DCDC2: variants seen among roughly 807,000 people sequenced by gnomAD.
DCDC2 encodes doublecortin domain-containing protein 2.
In DCDC2, 40 loss-of-function variants were observed where a neutral mutation model predicts 50.2. That is an observed-to-expected ratio of 0.80 (90% CI 0.62 to 1.04). The LOEUF (loss-of-function observed/expected upper bound fraction) is 1.04. Among genes scored for constraint, DCDC2 ranks in the 50% least tolerant of loss-of-function variants. The pLI is 0.00. For missense variants in DCDC2, 570 were observed against 581.9 expected (o/e 0.98, Z 0.21); for synonymous variants, 234 against 210.6 (o/e 1.11, Z -0.96).
At chr6:24,349,825 G>T (rs1404077809) in intron 2 of DCDC2, among the ~76,000 whole-genome samples, 1 of 152,136 alleles carries the variant, frequency 6.6e-6, no homozygotes, top group Non-Finnish European at 1.5e-5. Flanking sequence ...GGCAATCCAG[G>T]AGATCTGTTT....
intron 7 of DCDC2, among the ~76,000 whole-genome samples, chr6:24,240,193 T>C (rs908608874): frequency 5.9e-5 from 9 of 152,184 alleles, no homozygotes; most frequent in African/African-American, 2.2e-4. Context: ...GACTCTACAA[T>C]AGGTACCAGC....
intron 7 of DCDC2, among the ~76,000 whole-genome samples, chr6:24,246,222 G>A (rs939651079): frequency 2.0e-5 from 3 of 151,988 alleles, no homozygotes; most frequent in Non-Finnish European, 4.4e-5. Flanking sequence ...CCATCAAGCC[G>A]AATTCTGCAA....
At chr6:24,263,841 T>A (rs2113808067) in intron 7 of DCDC2, among the ~76,000 whole-genome samples, 1 of 151,966 alleles carries the variant, frequency 6.6e-6, no homozygotes, top group Admixed American at 6.6e-5. Context: ...ACAGAGAAAT[T>A]CCCAAACTTA....
chr6:24,250,841 T>C (rs1475012684), intron 7 of DCDC2, among the ~76,000 whole-genome samples: 1 of 152,144 alleles, frequency 6.6e-6, no homozygotes, highest in East Asian at 1.9e-4. Flanking sequence ...TATGGCACTT[T>C]CAAACAGCAT....
chr6:24,351,645 G>C (rs944721598), intron 2 of DCDC2, among the ~76,000 whole-genome samples: 1 of 152,156 alleles, frequency 6.6e-6, no homozygotes, highest in Admixed American at 6.5e-5. Context: ...TGGAGACAAG[G>C]GGTAGGTTTT....
In DCDC2 at chr6:24,348,586, A is replaced by C. The variant is rs1444293101; in HGVS notation, c.348+4983T>G. Among the ~76,000 whole-genome samples the C allele has an allele frequency of 2.6e-5, 4 of 152,120 alleles. No homozygotes were observed. The East Asian group carries it at 7.7e-4, about 29-fold the overall frequency. The stretch of plus-strand genomic sequence containing the variant: ...CTGATTTTCACTCTTTCTGCTAGAG[A>C]CTGATTTTGACTCTTACAGATATAA... On this transcript the variant is annotated intron_variant, in intron 2 of 9. Coordinates refer to ENST00000378454, the MANE Select transcript of DCDC2 (RefSeq NM_016356.5).
upstream of DCDC2, among the ~76,000 whole-genome samples, chr6:24,361,086 C>T (rs747615277): frequency 2.0e-5 from 3 of 151,680 alleles, no homozygotes; most frequent in Non-Finnish European, 4.4e-5. Flanking sequence ...TTTTTTCCTT[C>T]GAGATTTCTG....
At chr6:24,288,173 G>C (rs1396894253) in intron 6 of DCDC2, among the ~76,000 whole-genome samples, 2 of 152,212 alleles carry the variant, frequency 1.3e-5, no homozygotes, top group African/African-American at 4.8e-5. Context: ...TGTCAAATCA[G>C]TTCTGATCAC....
Position 24,315,172 on chromosome 6 carries a change from C to CTT in DCDC2, c.349-13130_349-13129dup, listed in dbSNP as rs112135227. Among the ~76,000 whole-genome samples the CTT allele has an allele frequency of 3.1e-3, 445 of 143,814 alleles. 3 individuals are homozygous for CTT. The highest frequency in any genetic ancestry group is 2.9e-3 in the Admixed American group (42 of 14,354). The allele number at this position is 143,814 out of a possible 152,430, so 94.3% of individuals were successfully genotyped here. On this transcript the variant is annotated intron_variant, in intron 2 of 9. Transcript: ENST00000378454. ...GGATGGAAAATGATATTGATCTTTG[C>CTT]TTTTTTTTTTTTTTTAAATAACCAG...
At chr6:24,264,620 C>G (rs1337648674) in intron 7 of DCDC2, among the ~76,000 whole-genome samples, 1 of 150,896 alleles carries the variant, frequency 6.6e-6, no homozygotes, top group South Asian at 2.1e-4. Flanking sequence ...CAAAAAAAAA[C>G]TACAACAGAT....
At chr6:24,309,326 C>CAAAA (rs202044201) in intron 2 of DCDC2, among the ~76,000 whole-genome samples, 1 of 124,148 alleles carries the variant, frequency 8.1e-6, no homozygotes. Context: ...GACTCCATCT[C>CAAAA]AAAAAAAAAA....
Position 24,178,492 on chromosome 6 carries a change from G to A in DCDC2, c.1164C>T (p.Val388=), listed in dbSNP as rs767129413. ...GCTCACTGTGATCCAGAATCTCCTC[G>A]ACTTGCTCAGGGGCATCTGTAGCCT... ...GREATDAPEQ[V]EEILDHSEQQ... The change falls in exon 9 of 10, where the codon GTC becomes GTT. Residue 388 remains valine, a synonymous_variant. Transcript: ENST00000378454. 2.9e-5 allele frequency: 46 copies of A among 1,613,934 alleles called. No homozygotes were observed. Among genetic ancestry groups the A allele is most frequent in the Admixed American group, 6.7e-5 (4 of 59,986 alleles).
At position 24,302,985 on chromosome 6, in the gene DCDC2, A is replaced by G. The variant is rs1450648204; in HGVS notation, c.349-941T>C. Among the ~76,000 whole-genome samples the G allele has an allele frequency of 2.0e-5, 3 of 151,866 alleles. No individual in the cohort carries two copies. The South Asian group carries it at 6.2e-4, about 32-fold the overall frequency. On this transcript the variant is annotated intron_variant, in intron 2 of 9. Coordinates refer to ENST00000378454, the MANE Select transcript of DCDC2 (RefSeq NM_016356.5). ...TTTCCTTCCCTCCACAACTCACCTC[A>G]TCTAGATCCTCACCATTTTTCTCCT...
intron 7 of DCDC2, among the ~76,000 whole-genome samples, chr6:24,213,303 T>A (rs1761911165): frequency 6.6e-6 from 1 of 152,180 alleles, no homozygotes; most frequent in African/African-American, 2.4e-5. Flanking sequence ...TACTACGATT[T>A]ATCACTAAGA....
intron 7 of DCDC2, among the ~76,000 whole-genome samples, chr6:24,263,944 A>G (rs1763064205): frequency 6.6e-6 from 1 of 152,138 alleles, no homozygotes; most frequent in Non-Finnish European, 1.5e-5. Flanking sequence ...TAATAATCCA[A>G]CTCCCAAAGG....
chr6:24,256,140 G>C (rs2113802401), intron 7 of DCDC2, among the ~76,000 whole-genome samples: 1 of 152,194 alleles, frequency 6.6e-6, no homozygotes, highest in South Asian at 2.1e-4. Flanking sequence ...TTACAACATA[G>C]TATGTGGTTT....
At chr6:24,324,014 T>C (rs1325643948) in intron 2 of DCDC2, among the ~76,000 whole-genome samples, 2 of 152,340 alleles carry the variant, frequency 1.3e-5, no homozygotes, top group Admixed American at 6.5e-5. Context: ...TTTTTTCACA[T>C]ACCAAGCTTA....
Position 24,278,136 on chromosome 6 carries a change from T to C in DCDC2, c.835A>G (p.Lys279Glu), listed in dbSNP as rs2113819643. 1.9e-6 allele frequency: 3 copies of C among 1,614,036 alleles called. No individual in the cohort carries two copies. The East Asian group carries it at 6.7e-5, about 36-fold the overall frequency. ...TTTTCTGAATTCACGTCTTCTTTTT[T>C]CCCTTTCCTCTTCAGGGGCTGAGGA... ...SSPQPLKRKG[K>E]KEDVNSEKLT... Residue 279 changes from lysine to glutamate, a missense_variant, in exon 7 of 10, where the codon AAA (lysine) becomes GAA (glutamate). By Grantham distance (56) the Lys-to-Glu change is moderately conservative. Coordinates refer to ENST00000378454, the MANE Select transcript of DCDC2 (RefSeq NM_016356.5).
Position 24,172,487 on chromosome 6 carries a change from C to T in DCDC2, c.*2243G>A, listed in dbSNP as rs1450281926. On this transcript the variant is annotated 3_prime_UTR_variant, in exon 10 of 10. Coordinates refer to ENST00000378454, the MANE Select transcript of DCDC2 (RefSeq NM_016356.5). ...ATGACGCTTAAGGTGTTTCCTAAAA[C>T]CTAAGTTTCATAATATAATGAATAA... is the stretch of plus-strand genomic sequence containing the variant. 6.6e-6 allele frequency: 1 copy of T among 151,586 alleles called. No individual in the cohort carries two copies. Among genetic ancestry groups the T allele is most frequent in the Non-Finnish European group, 1.5e-5 (1 of 67,974 alleles). The allele number at this position is 151,586 out of a possible 1,614,324, so 9.4% of individuals were successfully genotyped here. A position where few individuals can be genotyped will look rare whatever the true frequency, so the allele number is the denominator to read the frequency against.
Sources: allele counts gnomAD v4.1 joint callset (sites outside exome capture counted in the v4.1 genomes callset), GRCh38; gene constraint gnomAD v4.1.1; transcripts MANE v1.5; gene names NCBI Gene and HGNC (gene_info 2026-07-23, HGNC 2026-07-21).